STEAP1B: variants seen among roughly 807,000 people sequenced by gnomAD.
STEAP1B encodes STEAP family member 1B, also known as STEAP family protein MGC87042.
Under a neutral mutation model 27.9 loss-of-function variants are expected in STEAP1B, and 13 were observed. The ratio of observed to expected loss-of-function variants is 0.47; its 90% confidence interval spans 0.30 to 0.74. The LOEUF (loss-of-function observed/expected upper bound fraction) is 0.74. STEAP1B is among the 30% of genes least tolerant of loss of function. The pLI is 0.06. For synonymous variants in STEAP1B, 86 were observed against 107.1 expected (o/e 0.80, Z 1.22); for missense variants, 250 against 298.7 (o/e 0.84, Z 1.20).
chr7:22,466,061 A>T (rs1327069052), intron 4 of STEAP1B, among the ~76,000 whole-genome samples: 2 of 152,220 alleles, frequency 1.3e-5, no homozygotes, highest in Admixed American at 6.5e-5. Context: ...ATACAGGCTC[A>T]TTCTCAGGGT....
chr7:22,494,842 T>C lies in STEAP1B; in HGVS notation c.14A>G (p.Lys5Arg). MESR[K>R]DITNQEEIWK... is the part of the protein sequence containing the mutation. ...AATTTCTTCTTGGTTTGTGATGTCT[T>C]TTCTGCTTTCCATTAATTCTATAAA... Residue 5 changes from lysine to arginine, a missense_variant, in exon 2 of 5, where the codon AAA (lysine) becomes AGA (arginine). Transcript: ENST00000678116. The C allele has an allele frequency of 6.3e-7, 1 of 1,581,636 alleles. No individual in the cohort carries two copies. The highest frequency in any genetic ancestry group is 8.6e-7 in the Non-Finnish European group (1 of 1,162,672).
chr7:22,489,623 G>A (rs977580348), intron 4 of STEAP1B, among the ~76,000 whole-genome samples: 9 of 152,190 alleles, frequency 5.9e-5, no homozygotes, highest in Non-Finnish European at 8.8e-5. Flanking sequence ...GCATGTGACC[G>A]TGAAGGCAGA....
At chr7:22,473,248 G>C (rs547481775) in intron 4 of STEAP1B, among the ~76,000 whole-genome samples, 1 of 152,318 alleles carries the variant, frequency 6.6e-6, no homozygotes, top group African/African-American at 2.4e-5. Flanking sequence ...GGAAGGGAAA[G>C]AGGAAGGACA....
intron 4 of STEAP1B, among the ~76,000 whole-genome samples, chr7:22,465,061 A>G (rs1398968269): frequency 6.7e-6 from 1 of 149,506 alleles, no homozygotes; most frequent in Non-Finnish European, 1.5e-5. Context: ...TGGGGCCATT[A>G]TTCAGTTTAT....
intron 4 of STEAP1B, chr7:22,438,558 G>C: frequency 1.9e-6 from 3 of 1,552,104 alleles, no homozygotes; most frequent in Non-Finnish European, 2.6e-6. Context: ...GCTGAAACAT[G>C]TGAGAGCTAA....
At chr7:22,463,977 G>A (rs1351612525) in intron 4 of STEAP1B, among the ~76,000 whole-genome samples, 1 of 151,828 alleles carries the variant, frequency 6.6e-6, no homozygotes, top group Non-Finnish European at 1.5e-5. Flanking sequence ...AAACTAAAGA[G>A]CATCTGCACA....
intron 4 of STEAP1B, among the ~76,000 whole-genome samples, chr7:22,458,918 A>C (rs1324412502): frequency 3.3e-5 from 5 of 152,004 alleles, no homozygotes; most frequent in African/African-American, 9.7e-5. Context: ...ACAACCACCA[A>C]TGCCTCTCCT....
chr7:22,435,111 G>C (rs1048504622), intron 4 of STEAP1B, among the ~76,000 whole-genome samples: 3 of 152,108 alleles, frequency 2.0e-5, no homozygotes, highest in African/African-American at 7.2e-5. Context: ...GTCCCAGATA[G>C]ATCTGGCCAG....
intron 4 of STEAP1B, among the ~76,000 whole-genome samples, chr7:22,489,518 T>C (rs1786280855): frequency 6.6e-6 from 1 of 152,180 alleles, no homozygotes; most frequent in Non-Finnish European, 1.5e-5. Context: ...CAAGTTCACC[T>C]GAAGTCATCA....
intron 4 of STEAP1B, among the ~76,000 whole-genome samples, chr7:22,466,256 T>G (rs1785780811): frequency 6.6e-6 from 1 of 152,186 alleles, no homozygotes; most frequent in Non-Finnish European, 1.5e-5. Flanking sequence ...GGGATAGATG[T>G]TCAGATTTGT....
chr7:22,431,745 A>C (rs1785190532), intron 4 of STEAP1B, among the ~76,000 whole-genome samples: 1 of 152,240 alleles, frequency 6.6e-6, no homozygotes, highest in African/African-American at 2.4e-5. Context: ...GATCAGGACA[A>C]CTATTTCCCC....
chr7:22,450,951 T>C (rs774627898), intron 4 of STEAP1B, among the ~76,000 whole-genome samples: 9 of 152,150 alleles, frequency 5.9e-5, no homozygotes, highest in Admixed American at 1.3e-4. Context: ...TCCCAGCACT[T>C]TGGGAGGCCA....
At chr7:22,447,172 C>T (rs1785420959) in intron 4 of STEAP1B, among the ~76,000 whole-genome samples, 2 of 152,196 alleles carry the variant, frequency 1.3e-5, no homozygotes, top group Non-Finnish European at 2.9e-5. Context: ...GTCACTTTCT[C>T]TTCTGGGACA....
At chr7:22,439,498 C>T (rs1785299987) in intron 4 of STEAP1B, among the ~76,000 whole-genome samples, 2 of 151,758 alleles carry the variant, frequency 1.3e-5, no homozygotes, top group African/African-American at 4.8e-5. Flanking sequence ...TCAGGTAAAA[C>T]GTCTGACATT....
At chr7:22,431,357 C>T (rs1253283693) in intron 4 of STEAP1B, among the ~76,000 whole-genome samples, 1 of 152,234 alleles carries the variant, frequency 6.6e-6, no homozygotes, top group Non-Finnish European at 1.5e-5. Flanking sequence ...AAAAAAATCT[C>T]TCTCCCAATA....
chr7:22,479,679 CTTTTTTT>C (rs569050091), intron 4 of STEAP1B, among the ~76,000 whole-genome samples: 4 of 92,116 alleles, frequency 4.3e-5, no homozygotes, highest in African/African-American at 9.4e-5. Flanking sequence ...TCATGTGTGG[CTTTTTTT>C]TTTTTTTTTT....
chr7:22,473,121 G>A (rs1785912977), intron 4 of STEAP1B, among the ~76,000 whole-genome samples: 1 of 152,208 alleles, frequency 6.6e-6, no homozygotes, highest in African/African-American at 2.4e-5. Context: ...ATAACGTGAT[G>A]CATTACCGCA....
chr7:22,476,851 AAG>A (rs1321552149), intron 4 of STEAP1B, among the ~76,000 whole-genome samples: 2 of 152,152 alleles, frequency 1.3e-5, no homozygotes, highest in African/African-American at 4.8e-5. Flanking sequence ...AAACCTGACT[AAG>A]GAGGAATCCG....
chr7:22,452,521 G>A (rs1341303126), intron 4 of STEAP1B, among the ~76,000 whole-genome samples: 1 of 152,080 alleles, frequency 6.6e-6, no homozygotes, highest in Non-Finnish European at 1.5e-5. Context: ...CACAAAGCAA[G>A]ACAAAAAGGA....
Sources: allele counts gnomAD v4.1 joint callset (sites outside exome capture counted in the v4.1 genomes callset), GRCh38; gene constraint gnomAD v4.1.1; transcripts MANE v1.5; gene names NCBI Gene and HGNC (gene_info 2026-07-23, HGNC 2026-07-21).